MOCOS: variants seen among roughly 807,000 people sequenced by gnomAD.
MOCOS encodes the protein molybdenum cofactor sulfurase.
Under a neutral mutation model 83.6 loss-of-function variants are expected in MOCOS, and 86 were observed. The ratio of observed to expected loss-of-function variants is 1.03; its 90% CI spans 0.86 to 1.23. MOCOS has a LOEUF of 1.23. MOCOS is among the 50% of genes most tolerant of loss of function. The probability of loss-of-function intolerance (pLI) is 0.00; values close to 1 mark genes in which losing one functional copy is unlikely to be tolerated. For missense variants in MOCOS, 1,120 were observed against 1,126.9 expected (o/e 0.99, Z 0.09); for synonymous variants, 445 against 434.7 (o/e 1.02, Z -0.29).
At chr18:36,191,037 AG>A (rs1458863849) in intron 1 of MOCOS, among the ~76,000 whole-genome samples, 6 of 141,684 alleles carry the variant, frequency 4.2e-5, no homozygotes, top group African/African-American at 1.6e-4. Flanking sequence ...AAAAAGAAAA[AG>A]AAAAAAAAGT....
At chr18:36,206,566 G>A (rs183944536) in intron 6 of MOCOS, among the ~76,000 whole-genome samples, 152 of 152,116 alleles carry the variant, frequency 1.0e-3, no homozygotes, top group African/African-American at 3.5e-3. Context: ...TTTTATTTTA[G>A]GTTCAGGGGA....
rs781554611 is a variant in MOCOS, at chr18:36,254,595, G to GTA, written c.2165-2362_2165-2361dup. Among the ~76,000 whole-genome samples the GTA allele has an allele frequency of 5.2e-4, 77 of 148,786 alleles. 1 individual carries two copies. In the East Asian group the frequency reaches 0.011, roughly 21 times the overall value. ...TTCCTTTTCATATATATGTGTGTGT[G>GTA]TATATATATATACACACACACATAT... On this transcript the variant is annotated intron_variant, in intron 11 of 14. Coordinates refer to ENST00000261326, the MANE Select transcript of MOCOS (RefSeq NM_017947.4).
intron 2 of MOCOS, 143 bp from the exon 3 acceptor site, chr18:36,198,547 T>C (rs2091399294): frequency 2.5e-6 from 2 of 801,780 alleles, no homozygotes; most frequent in African/African-American, 1.7e-5. Flanking sequence ...TTTTGAGGGA[T>C]AGAAATCTAG....
intron 1 of MOCOS, among the ~76,000 whole-genome samples, chr18:36,190,861 C>T (rs1440936682): frequency 6.6e-6 from 1 of 151,710 alleles, no homozygotes; most frequent in Non-Finnish European, 1.5e-5. Flanking sequence ...ATGGCAAAAC[C>T]CAGTCTCTAC....
chr18:36,199,971 T>C lies in MOCOS; in HGVS notation c.588T>C (p.His196=). ...SASNPDCQLP[H]LFCYPAQSNF... is the part of the protein sequence containing the mutation. ...GCAACCCAGACTGCCAGCTGCCGCATCTCTTCTGCTACCCAGCTCAGAGTA... is the reference window on the plus strand; with the variant it reads ...GCAACCCAGACTGCCAGCTGCCGCACCTCTTCTGCTACCCAGCTCAGAGTA... Residue 196 remains histidine (H), a synonymous_variant, in exon 4 of 15, where the codon CAT becomes CAC. Coordinates refer to ENST00000261326, the MANE Select transcript of MOCOS (RefSeq NM_017947.4). 6.2e-7 allele frequency: 1 copy of C among 1,614,224 alleles called. No individual in the cohort carries two copies. Among genetic ancestry groups the C allele is most frequent in the South Asian group, 1.1e-5 (1 of 91,090 alleles).
intron 6 of MOCOS, among the ~76,000 whole-genome samples, chr18:36,205,905 A>G (rs1177994013): frequency 2.6e-5 from 4 of 151,794 alleles, no homozygotes; most frequent in African/African-American, 9.7e-5. Flanking sequence ...ACACCTGGCT[A>G]ATTTTTGTAT....
chr18:36,232,668 G>A (rs986128599), intron 9 of MOCOS, among the ~76,000 whole-genome samples: 16 of 151,854 alleles, frequency 1.1e-4, no homozygotes, highest in Non-Finnish European at 2.2e-4. Context: ...CCCTGCTTTT[G>A]GTAACTACTA....
intron 1 of MOCOS, among the ~76,000 whole-genome samples, chr18:36,193,467 A>T (rs143985253): frequency 3.7e-3 from 563 of 152,224 alleles, no homozygotes; most frequent in South Asian, 6.6e-3. Flanking sequence ...TTTTCAACAG[A>T]TACCAAGACT....
chr18:36,228,786 A>T (rs1598582003), intron 9 of MOCOS, among the ~76,000 whole-genome samples: 1 of 151,698 alleles, frequency 6.6e-6, no homozygotes, highest in South Asian at 2.1e-4. Context: ...CCCATAACGC[A>T]AGTTTACCTA....
In MOCOS at chr18:36,218,795, C is replaced by T. The variant is rs61249267; in HGVS notation, c.1798-1260C>T. ...TCAACCTCCCAAAGTGCTGGCGTTA[C>T]AGACATAAGCCACTGCGCCCAGCTC... is the stretch of plus-strand genomic sequence containing the variant. On this transcript the variant is annotated intron_variant, in intron 8 of 14. Coordinates refer to ENST00000261326, the MANE Select transcript of MOCOS (RefSeq NM_017947.4). Among the ~76,000 whole-genome samples, 794 of 151,860 alleles carry T rather than the reference C, an allele frequency of 5.2e-3. 10 individuals carry two copies. Among genetic ancestry groups the T allele is most frequent in the African/African-American group, 0.017 (704 of 41,412 alleles).
rs115443944 is a variant in MOCOS at position 36,195,864 on chromosome 18, G to T, written c.232+518G>T. Among the ~76,000 whole-genome samples, 711 of 152,368 alleles carry T rather than the reference G, an allele frequency of 4.7e-3. 2 individuals carry two copies. The highest frequency in any genetic ancestry group is 0.016 in the African/African-American group (678 of 41,594). On this transcript the variant is annotated intron_variant, in intron 2 of 14. Coordinates refer to ENST00000261326, the MANE Select transcript of MOCOS (RefSeq NM_017947.4). ...ACTGTGTGAAGGACTATGGACAAAA[G>T]GTGCCTGGTTCCAGGCCAGCCTGTA...
intron 3 of MOCOS, 136 bp from the exon 4 acceptor site, chr18:36,199,547 C>T: frequency 1.4e-6 from 2 of 1,386,188 alleles, no homozygotes; most frequent in Non-Finnish European, 2.0e-6. Context: ...TTGCCCTCGC[C>T]CTAATTTCGC....
intron 9 of MOCOS, among the ~76,000 whole-genome samples, chr18:36,240,640 C>A (rs2091578101): frequency 6.6e-6 from 1 of 152,134 alleles, no homozygotes; most frequent in South Asian, 2.1e-4. Context: ...AGGCAGGCCT[C>A]CTTGAGCTGT....
chr18:36,253,279 G>A (rs980321899), intron 11 of MOCOS, among the ~76,000 whole-genome samples: 3 of 152,182 alleles, frequency 2.0e-5, no homozygotes, highest in African/African-American at 4.8e-5. Context: ...CGTAAGAGAT[G>A]TAATAAAGGT....
At chr18:36,245,880 C>T (rs1484576182) in intron 9 of MOCOS, among the ~76,000 whole-genome samples, 1 of 152,128 alleles carries the variant, frequency 6.6e-6, no homozygotes, top group Non-Finnish European at 1.5e-5. Context: ...TGTCTTTGGG[C>T]TCTGAAGTTC....
Position 36,260,039 on chromosome 18 carries a change from A to G in MOCOS, c.2273A>G (p.Asp758Gly). Reference sequence around the variant, plus strand: ...CTCTTTTTGGTTGCTTTAATCAGTGATGAGAATGGAAAGGAGGAATTATTC... The same window carrying G: ...CTCTTTTTGGTTGCTTTAATCAGTGGTGAGAATGGAAAGGAGGAATTATTC... ...LELHRQLNTS[D>G]ENGKEELFSL... The change falls in exon 13 of 15, where the codon GAT becomes GGT. Residue 758 changes from aspartate (D) to glycine (G), a missense_variant and splice_region_variant. Coordinates refer to ENST00000261326, the MANE Select transcript of MOCOS (RefSeq NM_017947.4). 2 of 1,614,206 alleles carry G rather than the reference A, an allele frequency of 1.2e-6. No homozygotes were observed. The highest frequency in any genetic ancestry group is 1.7e-6 in the Non-Finnish European group (2 of 1,180,032).
chr18:36,198,835 A>G (rs2091400694), intron 3 of MOCOS, 79 bp downstream of exon 3: 3 of 1,488,008 alleles, frequency 2.0e-6, no homozygotes, highest in African/African-American at 1.4e-5. Context: ...TGCATCCCAC[A>G]AAAGTTCTGA....
At chr18:36,194,992 C>T (rs1019624892) in intron 1 of MOCOS, among the ~76,000 whole-genome samples, 7 of 152,226 alleles carry the variant, frequency 4.6e-5, no homozygotes, top group South Asian at 2.1e-4. Flanking sequence ...TGGGCGTCTT[C>T]TCTGTGTGGG....
At chr18:36,217,604 T>G (rs2091480286) in intron 8 of MOCOS, among the ~76,000 whole-genome samples, 1 of 152,050 alleles carries the variant, frequency 6.6e-6, no homozygotes, top group Non-Finnish European at 1.5e-5. Flanking sequence ...CACTTGCTGG[T>G]GCTGTTAAAA....
Sources: gnomAD v4.1 joint callset for allele counts (sites outside exome capture counted in the v4.1 genomes callset) on GRCh38, gnomAD v4.1.1 for gene constraint, MANE v1.5 for transcripts, NCBI Gene and HGNC (gene_info 2026-07-23, HGNC 2026-07-21) for gene names.